Variants in CCDC149 observed in about 807,000 individuals in gnomAD.
CCDC149 encodes coiled-coil domain-containing protein 149.
In CCDC149, 45 loss-of-function variants were observed where a neutral mutation model predicts 59.9. The ratio of observed to expected loss-of-function variants is 0.75; its 90% CI spans 0.59 to 0.96. CCDC149 has a LOEUF of 0.96. Ranked by LOEUF, CCDC149 falls within the 40% of genes least tolerant of loss-of-function variation. The pLI is 0.00. For missense variants in CCDC149, 584 were observed against 664.7 expected, an observed-to-expected ratio of 0.88 and a Z score of 1.33; for synonymous variants, 245 against 260.6, an observed-to-expected ratio of 0.94 and a Z score of 0.58.
intron 4 of CCDC149, among the ~76,000 whole-genome samples, chr4:24,851,854 C>G (rs1023085592): frequency 1.3e-5 from 2 of 152,120 alleles, no homozygotes; most frequent in Admixed American, 6.5e-5. Context: ...AATAAAACCA[C>G]GAGCGGCTGG....
chr4:24,911,438 T>C (rs961041560), intron 1 of CCDC149, among the ~76,000 whole-genome samples: 1 of 152,184 alleles, frequency 6.6e-6, no homozygotes, highest in Non-Finnish European at 1.5e-5. Flanking sequence ...GCACCTGATA[T>C]GCAATTGTTG....
At chr4:24,846,478 A>G (rs924276101) in intron 4 of CCDC149, among the ~76,000 whole-genome samples, 1 of 152,234 alleles carries the variant, frequency 6.6e-6, no homozygotes, top group Non-Finnish European at 1.5e-5. Flanking sequence ...ATCCTGGACC[A>G]TGACAAACAT....
chr4:24,899,260 T>C (rs1008411369), intron 1 of CCDC149, among the ~76,000 whole-genome samples: 1 of 150,996 alleles, frequency 6.6e-6, no homozygotes, highest in Non-Finnish European at 1.5e-5. Flanking sequence ...GGTTGGGAGG[T>C]GTAAGTTGGG....
chr4:24,971,231 G>A (rs1289467457), intron 1 of CCDC149, among the ~76,000 whole-genome samples: 1 of 152,230 alleles, frequency 6.6e-6, no homozygotes, highest in Non-Finnish European at 1.5e-5. Flanking sequence ...ATAGTCATAA[G>A]TAGCATAGCT....
At chr4:24,835,482 G>T (rs1577394317) in intron 7 of CCDC149, among the ~76,000 whole-genome samples, 1 of 152,186 alleles carries the variant, frequency 6.6e-6, no homozygotes, top group South Asian at 2.1e-4. Context: ...GATTAAGGAA[G>T]TACATATGTG....
downstream of CCDC149, among the ~76,000 whole-genome samples, chr4:24,803,546 G>T (rs1309001470): frequency 6.6e-6 from 1 of 151,962 alleles, no homozygotes; most frequent in Non-Finnish European, 1.5e-5. This position sits in a 1 kb window ranked among gnomAD's most constrained non-coding sequence, Gnocchi z 4.3. Flanking sequence ...GTTTATTTCA[G>T]GTAACAAAAA....
At chr4:24,869,016 C>T (rs1041693463) in intron 3 of CCDC149, among the ~76,000 whole-genome samples, 18 of 152,246 alleles carry the variant, frequency 1.2e-4, no homozygotes, top group Admixed American at 7.8e-4. Context: ...ATGTCCAGCA[C>T]AGCAGCCGGC....
intron 1 of CCDC149, among the ~76,000 whole-genome samples, chr4:24,907,607 C>T (rs540837771): frequency 6.6e-6 from 1 of 152,270 alleles, no homozygotes; most frequent in South Asian, 2.1e-4. Flanking sequence ...AGACTAAAGC[C>T]AGGCAGCAAG....
intron 1 of CCDC149, among the ~76,000 whole-genome samples, chr4:24,942,458 C>T (rs1044429984): frequency 8.5e-5 from 13 of 152,322 alleles, no homozygotes; most frequent in South Asian, 2.1e-4. Flanking sequence ...TGGACAAAAT[C>T]TGGAAGCATT....
rs116672348 is a variant in CCDC149 at position 24,846,765 on chromosome 4, T to C, written c.372+6307A>G. Among the ~76,000 whole-genome samples, 973 of 152,330 alleles carry C rather than the reference T, an allele frequency of 6.4e-3. 12 individuals carry two copies. The highest frequency in any genetic ancestry group is 0.022 in the African/African-American group (909 of 41,574). ...TGTGTTTATGCAATATCACAACAGC[T>C]AAATTTAAATTTGCCAGCAGGGGCC... is the stretch of plus-strand genomic sequence containing the variant. On this transcript the variant is annotated intron_variant, in intron 4 of 12. Transcript: ENST00000635206.
At chr4:24,826,210 T>C (rs1228912024) in intron 9 of CCDC149, among the ~76,000 whole-genome samples, 1 of 152,002 alleles carries the variant, frequency 6.6e-6, no homozygotes, top group African/African-American at 2.4e-5. Flanking sequence ...CCTGCCCACC[T>C]CAGCATCCCA....
At chr4:24,955,031 G>T (rs4697080) in intron 1 of CCDC149, among the ~76,000 whole-genome samples, 26,990 of 151,982 alleles carry the variant, frequency 0.18, 3,233 homozygotes, top group African/African-American at 0.33. Flanking sequence ...CTTGCTGCTG[G>T]TATTTGTTAT....
At chr4:24,880,156 C>T (rs1719752009) in intron 1 of CCDC149, among the ~76,000 whole-genome samples, 2 of 152,204 alleles carry the variant, frequency 1.3e-5, no homozygotes, top group Admixed American at 6.5e-5. Context: ...AGTGGTCCTA[C>T]CATAGAAAGG....
At chr4:24,859,670 G>A (rs530367283) in intron 3 of CCDC149, among the ~76,000 whole-genome samples, 52 of 152,214 alleles carry the variant, frequency 3.4e-4, no homozygotes, top group East Asian at 1.4e-3. Flanking sequence ...GCTGTTTGCT[G>A]ATGATATGAT....
intron 4 of CCDC149, among the ~76,000 whole-genome samples, chr4:24,842,920 G>A (rs16876208): frequency 0.01 from 1,548 of 152,186 alleles, 25 homozygotes; most frequent in African/African-American, 0.035. Context: ...GCTATTTTCC[G>A]GGTGTCATCT....
At chr4:24,923,960 A>C (rs10517059) in intron 1 of CCDC149, among the ~76,000 whole-genome samples, 12,089 of 152,298 alleles carry the variant, frequency 0.079, 555 homozygotes, top group Middle Eastern at 0.11. Flanking sequence ...TACTGCCCTC[A>C]GATGCAGGTT....
At chr4:24,863,437 A>C (rs545435269) in intron 3 of CCDC149, among the ~76,000 whole-genome samples, 4 of 152,372 alleles carry the variant, frequency 2.6e-5, no homozygotes, top group African/African-American at 9.6e-5. Flanking sequence ...TAGCCAGTAG[A>C]GGAAAAGGCC....
Position 24,851,455 on chromosome 4 carries a change from A to G in CCDC149, c.372+1617T>C, listed in dbSNP as rs570078932. The stretch of plus-strand genomic sequence containing the variant: ...TCTCTCTTTGTTTCCATGAACTGTC[A>G]GTTGCAAACGTCAATTCCTAAAATT... On this transcript the variant is annotated intron_variant, in intron 4 of 12. Coordinates refer to ENST00000635206, the MANE Select transcript of CCDC149 (RefSeq NM_001330643.2). Among the ~76,000 whole-genome samples, 4 of 152,344 alleles carry G rather than the reference A, an allele frequency of 2.6e-5. No individual in the cohort carries two copies. The East Asian group carries it at 7.7e-4, about 29-fold the overall frequency.
chr4:24,858,403 C>G (rs1718164827), intron 3 of CCDC149, among the ~76,000 whole-genome samples: 1 of 152,160 alleles, frequency 6.6e-6, no homozygotes, highest in African/African-American at 2.4e-5. Flanking sequence ...AAAGAAGCCT[C>G]TTTTAAATAT....
Sources: allele counts gnomAD v4.1 joint callset (sites outside exome capture counted in the v4.1 genomes callset), GRCh38; gene constraint gnomAD v4.1.1; non-coding constraint Gnocchi (gnomAD v3.1); transcripts MANE v1.5; gene names NCBI Gene and HGNC (gene_info 2026-07-23, HGNC 2026-07-21).